NT5DC3: variants seen among roughly 807,000 people sequenced by gnomAD.
NT5DC3 encodes the protein 5'-nucleotidase domain-containing protein 3.
Under a neutral mutation model 67.8 loss-of-function variants are expected in NT5DC3, and 42 were observed. The ratio of observed to expected loss-of-function variants is 0.62; its 90% CI spans 0.48 to 0.80. The LOEUF (loss-of-function observed/expected upper bound fraction) is 0.80, where lower values mean the gene tolerates loss of function less well. Ranked by LOEUF, NT5DC3 falls within the 30% of genes least tolerant of loss-of-function variation. The pLI is 0.00. For missense variants in NT5DC3, 570 were observed against 696.4 expected (o/e 0.82, Z 2.04); for synonymous variants, 237 against 255.6 (o/e 0.93, Z 0.69).
At chr12:103,779,304 C>G (rs1885454904) in intron 13 of NT5DC3, among the ~76,000 whole-genome samples, 1 of 152,132 alleles carries the variant, frequency 6.6e-6, no homozygotes, top group South Asian at 2.1e-4. Context: ...AGGATGTGCA[C>G]TCTCTCTGAT....
chr12:103,767,440 T>G (rs140425332), downstream of NT5DC3, among the ~76,000 whole-genome samples: 100 of 152,292 alleles, frequency 6.6e-4, 2 homozygotes, highest in East Asian at 0.014. Flanking sequence ...GTATGGGGTT[T>G]CTTTTTTGGA....
chr12:103,750,280 C>A, the NT5DC3 span, among the ~76,000 whole-genome samples: 1 of 152,090 alleles, frequency 6.6e-6, no homozygotes, highest in Non-Finnish European at 1.5e-5. Context: ...CACAAGGAGC[C>A]CTGTGAAGAA....
chr12:103,753,389 G>A, the NT5DC3 span: 1 of 1,613,878 alleles, frequency 6.2e-7, no homozygotes, highest in Non-Finnish European at 8.5e-7. Context: ...TGCAGACAGA[G>A]TCTGCAGGGG....
the NT5DC3 span, chr12:103,750,610 A>G: frequency 1.9e-6 from 3 of 1,614,226 alleles, no homozygotes; most frequent in Non-Finnish European, 2.5e-6. Flanking sequence ...AAAAGTCACT[A>G]TGTCGGAGAT....
chr12:103,746,916 T>C, the NT5DC3 span, among the ~76,000 whole-genome samples: 3 of 151,968 alleles, frequency 2.0e-5, no homozygotes, highest in Admixed American at 2.0e-4. Flanking sequence ...TTTTGCAAAC[T>C]GGGATGCACT....
At chr12:103,807,641 C>G (rs976956008) in intron 2 of NT5DC3, among the ~76,000 whole-genome samples, 1 of 152,228 alleles carries the variant, frequency 6.6e-6, no homozygotes, top group East Asian at 1.9e-4. Flanking sequence ...CTATCCAGCA[C>G]TCTGTCTCAG....
chr12:103,825,510 T>A (rs1887655041), intron 1 of NT5DC3, among the ~76,000 whole-genome samples: 1 of 152,228 alleles, frequency 6.6e-6, no homozygotes, highest in Non-Finnish European at 1.5e-5. Flanking sequence ...AAGAAAATTG[T>A]GCATGGCACA....
the NT5DC3 span, chr12:103,750,427 G>A: frequency 1.1e-6 from 1 of 891,484 alleles, no homozygotes; most frequent in Non-Finnish European, 1.7e-6. Flanking sequence ...CATAAAAGCA[G>A]GACGTAGCAG....
the NT5DC3 span, among the ~76,000 whole-genome samples, chr12:103,751,017 A>C: frequency 6.6e-6 from 1 of 152,246 alleles, no homozygotes; most frequent in Non-Finnish European, 1.5e-5. Context: ...GCCACATAGA[A>C]GTGCAGAGGC....
At chr12:103,750,118 AC>A in the NT5DC3 span, among the ~76,000 whole-genome samples, 1 of 152,230 alleles carries the variant, frequency 6.6e-6, no homozygotes, top group African/African-American at 2.4e-5. Flanking sequence ...CATTGATTCA[AC>A]CAGTGGTCAT....
At chr12:103,754,998 G>A in the NT5DC3 span, 1 of 316,134 alleles carries the variant, frequency 3.2e-6, no homozygotes, top group East Asian at 5.7e-5. Flanking sequence ...CAACCCATTA[G>A]CAGAAAAATT....
intron 8 of NT5DC3, 59 bp from the exon 9 acceptor site, chr12:103,793,324 CTT>C: frequency 6.4e-7 from 1 of 1,562,462 alleles, no homozygotes; most frequent in Admixed American, 1.7e-5. Context: ...GTGTCTGTAA[CTT>C]TTTCTTTCCA....
chr12:103,824,537 C>T (rs193131553), intron 1 of NT5DC3, among the ~76,000 whole-genome samples: 44 of 152,350 alleles, frequency 2.9e-4, no homozygotes, highest in Admixed American at 2.7e-3. Flanking sequence ...TGGGCCACTC[C>T]TGAGGTGGGT....
chr12:103,760,292 G>A, the NT5DC3 span, among the ~76,000 whole-genome samples: 1 of 152,080 alleles, frequency 6.6e-6, no homozygotes, highest in Non-Finnish European at 1.5e-5. Context: ...ACAGTCTCTC[G>A]CTCTGTCACC....
chr12:103,769,450 C>A (rs1018686427), downstream of NT5DC3, among the ~76,000 whole-genome samples: 2 of 152,218 alleles, frequency 1.3e-5, no homozygotes, highest in African/African-American at 4.8e-5. Context: ...GCGGAAAACT[C>A]CGTCCCCAAC....
intron 1 of NT5DC3, among the ~76,000 whole-genome samples, chr12:103,825,881 C>A (rs532328228): frequency 6.6e-6 from 1 of 152,318 alleles, no homozygotes; most frequent in Admixed American, 6.5e-5. Context: ...TAAATGCCAT[C>A]CACATGCTGT....
At chr12:103,817,789 C>T (rs777258374) in intron 1 of NT5DC3, among the ~76,000 whole-genome samples, 2 of 149,446 alleles carry the variant, frequency 1.3e-5, no homozygotes, top group Non-Finnish European at 3.0e-5. Context: ...CTTTCAGGTG[C>T]ATTTTTTCCT....
At position 103,772,766 on chromosome 12, in the gene NT5DC3, A is replaced by G. The variant is rs559266462; in HGVS notation, c.*5063T>C. The G allele has an allele frequency of 1.3e-5, 2 of 152,360 alleles. No homozygotes were observed. Among genetic ancestry groups the G allele is most frequent in the South Asian group, 2.1e-4 (1 of 4,818 alleles). The allele number at this position is 152,360 out of a possible 1,614,324, so 9.4% of individuals were successfully genotyped here. A position where few individuals can be genotyped will look rare whatever the true frequency, so the allele number is the denominator to read the frequency against. On this transcript the variant is annotated 3_prime_UTR_variant, in exon 14 of 14. Coordinates refer to ENST00000392876, the MANE Select transcript of NT5DC3 (RefSeq NM_001031701.3). ...AGGAGGCCAGCCCTTTGTACCCCAT[A>G]TGGAGCCGGTAAGGGTTACAGGCAG...
Position 103,793,365 on chromosome 12 carries a change from C to T in NT5DC3, c.917+45G>A, listed in dbSNP as rs762799737. On this transcript the variant is annotated intron_variant, in intron 8 of 13. Coordinates refer to ENST00000392876, the MANE Select transcript of NT5DC3 (RefSeq NM_001031701.3). ...TCCAGCTGCTAAAACAAATGGGATA[C>T]AAGGAGTGTGCCAGAAGCTAGCAAT... 6 of 1,566,518 alleles carry T rather than the reference C, an allele frequency of 3.8e-6. No individual in the cohort carries two copies. The Admixed American group carries it at 8.3e-5, about 22-fold the overall frequency.
Sources: gnomAD v4.1 joint callset for allele counts (sites outside exome capture counted in the v4.1 genomes callset) on GRCh38, gnomAD v4.1.1 for gene constraint, MANE v1.5 for transcripts, NCBI Gene and HGNC (gene_info 2026-07-23, HGNC 2026-07-21) for gene names.